POLN: variants seen among roughly 807,000 people sequenced by gnomAD.
POLN encodes the protein DNA polymerase nu, also known as DNA polymerase N.
A neutral mutation model predicts 113.5 loss-of-function variants in POLN; 108 were observed. The observed-to-expected ratio is 0.95, with a 90% CI of 0.81 to 1.12. POLN has a LOEUF of 1.12. Ranked by LOEUF, POLN falls within the 50% of genes most tolerant of loss-of-function variation. The pLI, the probability that POLN is intolerant of heterozygous loss-of-function variation, is 0.00. For synonymous variants in POLN, 386 were observed against 391.5 expected (o/e 0.99, Z 0.17); for missense variants, 1,097 against 1,077.1 (o/e 1.02, Z -0.26).
intron 3 of POLN, 108 bp downstream of exon 3, chr4:2,228,991 G>A (rs1033971441): frequency 1.8e-6 from 2 of 1,103,600 alleles, no homozygotes; most frequent in Middle Eastern, 2.9e-4. Context: ...AAAAGGGGCG[G>A]GAGCTGGGCT....
intron 5 of POLN, among the ~76,000 whole-genome samples, chr4:2,202,889 G>A (rs961999806): frequency 3.3e-4 from 50 of 152,210 alleles, no homozygotes; most frequent in African/African-American, 1.2e-3. Flanking sequence ...AGACAGCAAA[G>A]CAGTAATAAT....
At chr4:2,115,862 T>C (rs1375931859) in intron 19 of POLN, among the ~76,000 whole-genome samples, 1 of 152,194 alleles carries the variant, frequency 6.6e-6, no homozygotes, top group Non-Finnish European at 1.5e-5. Flanking sequence ...TTCCCTTCTG[T>C]GGGGTCCGGA....
intron 24 of POLN, among the ~76,000 whole-genome samples, chr4:2,073,488 C>T (rs1021716212): frequency 4.6e-5 from 7 of 152,236 alleles, no homozygotes; most frequent in Non-Finnish European, 1.0e-4. Flanking sequence ...CACAAGAACC[C>T]CCCATCCCCA....
chr4:2,208,619 C>G (rs188673027), intron 4 of POLN, 132 bp from the exon 5 acceptor site: 2 of 714,704 alleles, frequency 2.8e-6, no homozygotes, highest in Admixed American at 3.6e-5. Context: ...ATGATCAAAC[C>G]TTCTAAGGAA....
At position 2,235,844 on chromosome 4, in the gene POLN, G is replaced by A. The variant is rs138808915; in HGVS notation, c.-13+5676C>T. Among the ~76,000 whole-genome samples, 33 of 152,238 alleles carry A rather than the reference G, an allele frequency of 2.2e-4. 1 individual carries two copies. The East Asian group carries it at 4.1e-3, about 19-fold the overall frequency. On this transcript the variant is annotated intron_variant, in intron 2 of 25. Coordinates refer to ENST00000511885, the MANE Select transcript of POLN (RefSeq NM_181808.4). ...AGCATGGTAGTCACTCTTTGAGGAT[G>A]AGAGAGGAATTATATTAGGAGGAGC...
chr4:2,218,535 G>C (rs1376644136), intron 3 of POLN, among the ~76,000 whole-genome samples: 1 of 152,158 alleles, frequency 6.6e-6, no homozygotes, highest in Non-Finnish European at 1.5e-5. Context: ...TCATGGTTGT[G>C]GTGGGCCCCA....
intron 13 of POLN, among the ~76,000 whole-genome samples, chr4:2,166,715 C>T (rs983570473): frequency 6.6e-6 from 1 of 152,112 alleles, no homozygotes; most frequent in Admixed American, 6.5e-5. Context: ...CACCAGAATT[C>T]CAGACTCTCC....
intron 19 of POLN, among the ~76,000 whole-genome samples, chr4:2,103,947 C>T (rs950440605): frequency 1.3e-5 from 2 of 152,144 alleles, no homozygotes; most frequent in Non-Finnish European, 2.9e-5. Context: ...ACCACTAGAC[C>T]GGCCCTTCAA....
At chr4:2,200,524 C>T (rs554592975) in intron 5 of POLN, among the ~76,000 whole-genome samples, 30 of 152,316 alleles carry the variant, frequency 2.0e-4, no homozygotes, top group East Asian at 1.2e-3. Flanking sequence ...GACCCACAGA[C>T]GGTTCACATC....
rs1227814550 is a variant in POLN, at chr4:2,198,723, G to T, written c.715-6C>A. ...CTAACAGAAGAAACGGGGGTCTGTG[G>T]AAACACAACAAAATAAATTAAACCC... On this transcript the variant is annotated splice_region_variant and splice_polypyrimidine_tract_variant and intron_variant, in intron 5 of 25. Coordinates refer to ENST00000511885, the MANE Select transcript of POLN (RefSeq NM_181808.4). The T allele has an allele frequency of 2.5e-6, 4 of 1,590,288 alleles. No individual in the cohort carries two copies. The highest frequency in any genetic ancestry group is 3.4e-6 in the Non-Finnish European group (4 of 1,168,362).
intron 16 of POLN, among the ~76,000 whole-genome samples, chr4:2,143,891 T>C (rs547052935): frequency 6.6e-6 from 1 of 152,280 alleles, no homozygotes; most frequent in South Asian, 2.1e-4. Context: ...TGTATATGAA[T>C]GTCTTTGGCA....
intron 20 of POLN, chr4:2,089,009 T>C (rs1730609485): frequency 3.4e-6 from 3 of 877,748 alleles, no homozygotes; most frequent in Non-Finnish European, 5.6e-6. Context: ...GTTTTTCTCA[T>C]TATCCTTAGC....
chr4:2,159,927 A>G (rs1411238647), intron 13 of POLN, among the ~76,000 whole-genome samples: 1 of 152,196 alleles, frequency 6.6e-6, no homozygotes, highest in African/African-American at 2.4e-5. Context: ...TAGGGCTATT[A>G]TGAATAATGC....
intron 7 of POLN, among the ~76,000 whole-genome samples, chr4:2,191,550 C>T (rs10005478): frequency 0.25 from 37,269 of 151,792 alleles, 7,025 homozygotes; most frequent in African/African-American, 0.51. Flanking sequence ...CCCATTTACC[C>T]GGATTTGATT....
chr4:2,229,302 G>A, intron 2 of POLN, 59 bp from the exon 3 acceptor site: 38 of 1,314,514 alleles, frequency 2.9e-5, no homozygotes, highest in Middle Eastern at 4.1e-4. Context: ...CTATAAAACA[G>A]GAAATACAAT....
At chr4:2,106,050 C>CT (rs944800604) in intron 19 of POLN, among the ~76,000 whole-genome samples, 11 of 151,184 alleles carry the variant, frequency 7.3e-5, no homozygotes, top group Admixed American at 1.3e-4. Flanking sequence ...CTCCGGTACT[C>CT]TTTTTTTTTC....
chr4:2,074,946 G>T (rs1314782372), intron 24 of POLN, among the ~76,000 whole-genome samples: 2 of 152,142 alleles, frequency 1.3e-5, no homozygotes, highest in Non-Finnish European at 2.9e-5. Context: ...TCATCTATGG[G>T]CCGTGTAGCT....
intron 3 of POLN, among the ~76,000 whole-genome samples, chr4:2,225,069 C>A (rs566411341): frequency 2.6e-4 from 40 of 152,094 alleles, no homozygotes; most frequent in Non-Finnish European, 5.6e-4. Flanking sequence ...TATATACGGT[C>A]TGTCGTTGAC....
intron 19 of POLN, among the ~76,000 whole-genome samples, chr4:2,097,355 AT>A (rs781235839): frequency 0.018 from 2,608 of 144,392 alleles, 35 homozygotes; most frequent in East Asian, 0.023. Context: ...CTCTCCTACC[AT>A]TTTTTTTTTT....
Sources: allele counts gnomAD v4.1 joint callset (sites outside exome capture counted in the v4.1 genomes callset), GRCh38; gene constraint gnomAD v4.1.1; transcripts MANE v1.5; gene names NCBI Gene and HGNC (gene_info 2026-07-23, HGNC 2026-07-21).